TRIM9: variants seen among roughly 807,000 people sequenced by gnomAD.
TRIM9 encodes tripartite motif containing 9.
A neutral mutation model predicts 78.3 loss-of-function variants in TRIM9; 26 were observed. The observed-to-expected ratio is 0.33, with a 90% CI of 0.24 to 0.46. TRIM9 has a LOEUF of 0.46. TRIM9 is among the 20% of genes least tolerant of loss of function. TRIM9 has a pLI of 1.00. For synonymous variants in TRIM9, 398 were observed against 416.5 expected (o/e 0.96, Z 0.54); for missense variants, 787 against 1,036.4 (o/e 0.76, Z 3.30).
At chr14:51,090,182 T>C (rs983802710) in intron 1 of TRIM9, 3 of 152,226 alleles carry the variant, frequency 2.0e-5, no homozygotes, top group Non-Finnish European at 4.4e-5. Flanking sequence ...AATGTTCTAA[T>C]TGTACTAGAA....
chr14:50,991,277 T>C (rs1339665584), intron 7 of TRIM9, among the ~76,000 whole-genome samples: 1 of 152,118 alleles, frequency 6.6e-6, no homozygotes, highest in Admixed American at 6.5e-5. Flanking sequence ...AAAAATAGGG[T>C]TCTGAATCTC....
intron 5 of TRIM9, among the ~76,000 whole-genome samples, chr14:51,007,980 T>C (rs1281018160): frequency 6.6e-6 from 1 of 152,200 alleles, no homozygotes; most frequent in Non-Finnish European, 1.5e-5. Flanking sequence ...GGTAGATTTT[T>C]CTTAAGAAAC....
chr14:50,989,903 TA>T (rs1356878692), intron 7 of TRIM9, among the ~76,000 whole-genome samples: 1 of 152,162 alleles, frequency 6.6e-6, no homozygotes, highest in Non-Finnish European at 1.5e-5. Context: ...GACCTCTGCT[TA>T]AAAAAAGCAA....
At position 50,975,592 on chromosome 14, in the gene TRIM9, C is replaced by G. The variant is rs374695140; in HGVS notation, c.*1699G>C. 2 of 152,628 alleles carry G rather than the reference C, an allele frequency of 1.3e-5. No individual in the cohort carries two copies. Among genetic ancestry groups the G allele is most frequent in the Non-Finnish European group, 2.9e-5 (2 of 68,042 alleles). The allele number at this position is 152,628 out of a possible 1,614,324, so 9.5% of individuals were successfully genotyped here. On this transcript the variant is annotated 3_prime_UTR_variant, in exon 13 of 13. Coordinates refer to ENST00000684578, the MANE Select transcript of TRIM9 (RefSeq NM_001387360.1). ...ACACTTAACTAGAAAAAGATTGTAA[C>G]TGATAGAAATAATCTAAATAAAGTA...
At chr14:51,015,519 T>C (rs1277943690) in intron 3 of TRIM9, among the ~76,000 whole-genome samples, 8 of 131,548 alleles carry the variant, frequency 6.1e-5, no homozygotes, top group African/African-American at 1.7e-4. Context: ...TTTTTTTTTT[T>C]TTTTTTTTTT....
chr14:51,071,497 G>C (rs1262802300), intron 1 of TRIM9, among the ~76,000 whole-genome samples: 1 of 152,116 alleles, frequency 6.6e-6, no homozygotes, highest in Non-Finnish European at 1.5e-5. Flanking sequence ...TCAGTGTGCT[G>C]TGATAAAAAT....
In TRIM9 at chr14:51,015,505, C is replaced by CTTTTTTTTTTTTT. The variant is rs369652663; in HGVS notation, c.1042-5024_1042-5012dup. Among the ~76,000 whole-genome samples the CTTTTTTTTTTTTT allele has an allele frequency of 1.1e-3, 66 of 61,326 alleles. 7 individuals are homozygous for CTTTTTTTTTTTTT. Among genetic ancestry groups the CTTTTTTTTTTTTT allele is most frequent in the Non-Finnish European group, 1.3e-3 (44 of 34,508 alleles). 40.2% of individuals were successfully genotyped at this position (61,326 alleles called of 152,430 possible). On this transcript the variant is annotated intron_variant, in intron 3 of 12. Transcript: ENST00000684578. ...AATGCTTTTTTCTTTCTTTACTTTT[C>CTTTTTTTTTTTTT]TTTTTTTTTTTTTTTTTTTTTTTTT...
chr14:50,977,167 G>T lies in TRIM9; in HGVS notation c.*124C>A. 1 of 680,812 alleles carries T rather than the reference G, an allele frequency of 1.5e-6. No homozygotes were observed. The highest frequency in any genetic ancestry group is 2.2e-6 in the Non-Finnish European group (1 of 454,908). The allele number at this position is 680,812 out of a possible 1,614,324, so 42.2% of individuals were successfully genotyped here. A position where few individuals can be genotyped will look rare whatever the true frequency, so the allele number is the denominator to read the frequency against. Reference sequence around the variant, plus strand: ...TGGGTGTAAAGACTGCAGAGGACCAGCTTTTCTCTCCTCCTTCTCCCACTC... The same window carrying T: ...TGGGTGTAAAGACTGCAGAGGACCATCTTTTCTCTCCTCCTTCTCCCACTC... On this transcript the variant is annotated 3_prime_UTR_variant, in exon 13 of 13. Transcript: ENST00000684578.
chr14:51,012,185 T>G (rs1291452578), intron 3 of TRIM9, among the ~76,000 whole-genome samples: 1 of 152,186 alleles, frequency 6.6e-6, no homozygotes, highest in Non-Finnish European at 1.5e-5. Context: ...CAGAACTTTT[T>G]CATCTTCCCA....
At position 50,981,797 on chromosome 14, in the gene TRIM9, T is replaced by C; in HGVS notation, c.2162+3A>G. ...AAGGCTTGGTTTGGGGGCTGCAGGG[T>C]ACCTGTTGGTGTGCGAGTTGTTGTG... On this transcript the variant is annotated splice_donor_region_variant and intron_variant, in intron 11 of 12. Transcript: ENST00000684578. 6.2e-7 allele frequency: 1 copy of C among 1,613,898 alleles called. No homozygotes were observed. The highest frequency in any genetic ancestry group is 1.1e-5 in the South Asian group (1 of 91,082).
intron 1 of TRIM9, among the ~76,000 whole-genome samples, chr14:51,055,873 G>A (rs1009506111): frequency 2.0e-5 from 3 of 152,122 alleles, no homozygotes; most frequent in Admixed American, 2.0e-4. Flanking sequence ...CAAATTTGAA[G>A]TTACAATATT....
chr14:51,066,620 T>C (rs2061761823), intron 1 of TRIM9, among the ~76,000 whole-genome samples: 1 of 152,244 alleles, frequency 6.6e-6, no homozygotes, highest in Admixed American at 6.5e-5. Context: ...TTTAAAGATC[T>C]TAACTGGCTT....
At chr14:51,033,333 T>C (rs2058889219) in intron 1 of TRIM9, among the ~76,000 whole-genome samples, 1 of 152,214 alleles carries the variant, frequency 6.6e-6, no homozygotes, top group African/African-American at 2.4e-5. Flanking sequence ...CCTTGTGATC[T>C]ACCTGCCTCG....
At chr14:50,987,434 G>C (rs2052860924) in intron 7 of TRIM9, among the ~76,000 whole-genome samples, 1 of 152,190 alleles carries the variant, frequency 6.6e-6, no homozygotes, top group African/African-American at 2.4e-5. Context: ...AGCTTTTCAG[G>C]CTTTAGACTT....
Position 50,979,536 on chromosome 14 carries a change from T to C in TRIM9, c.2176A>G (p.Ile726Val). 1 of 1,614,028 alleles carries C rather than the reference T, an allele frequency of 6.2e-7. No individual in the cohort carries two copies. The highest frequency in any genetic ancestry group is 2.2e-5 in the East Asian group (1 of 44,876). The change falls in exon 12 of 13, where the codon ATC becomes GTC. Residue 726 changes from isoleucine to valine, a missense_variant. This residue lies in a region of TRIM9 where 421 missense variants were observed against 514.3 expected (regional missense o/e 0.82). Transcript: ENST00000684578. ...ACCCCAATTGTGGCCCCTTTTGTGA[T>C]CCCTCCCTCAGTTCTGTAGGAAAAG... ...NSHTNRTEGG[I>V]TKGATIGVLL...
At chr14:51,074,969 G>T (rs963955785) in intron 1 of TRIM9, among the ~76,000 whole-genome samples, 10 of 152,308 alleles carry the variant, frequency 6.6e-5, no homozygotes, top group African/African-American at 2.4e-4. Flanking sequence ...AATTTAAAGT[G>T]TCTCTTCACA....
chr14:51,034,899 T>C (rs145355504), intron 1 of TRIM9, among the ~76,000 whole-genome samples: 1 of 152,288 alleles, frequency 6.6e-6, no homozygotes, highest in East Asian at 1.9e-4. Context: ...TTCTGAATAA[T>C]AATAGTACCC....
intron 7 of TRIM9, among the ~76,000 whole-genome samples, chr14:50,994,747 G>T (rs574477119): frequency 4.6e-5 from 7 of 152,128 alleles, no homozygotes; most frequent in African/African-American, 1.7e-4. Flanking sequence ...TTTTGCAGAT[G>T]GTTTCAAAGA....
intron 1 of TRIM9, chr14:51,090,890 C>T (rs1474141907): frequency 6.6e-6 from 1 of 152,182 alleles, no homozygotes; most frequent in African/African-American, 2.4e-5. Context: ...ATCCAGTGCA[C>T]CCAGCCCTGA....
Sources: gnomAD v4.1 joint callset for allele counts (sites outside exome capture counted in the v4.1 genomes callset) on GRCh38, gnomAD v4.1.1 for gene constraint, gnomAD v4.1.1 regional missense constraint, MANE v1.5 for transcripts, NCBI Gene and HGNC (gene_info 2026-07-23, HGNC 2026-07-21) for gene names.